USP32: variants seen among roughly 807,000 people sequenced by gnomAD.
USP32 encodes ubiquitin carboxyl-terminal hydrolase 32.
Under a neutral mutation model 204.8 loss-of-function variants are expected in USP32, and 59 were observed. That is an observed-to-expected ratio of 0.29 (90% CI 0.23 to 0.36). USP32 has a LOEUF of 0.36. Among genes scored for constraint, USP32 ranks in the 10% least tolerant of loss-of-function variants. USP32 has a pLI of 1.00. For synonymous variants in USP32, 517 were observed against 678.4 expected (o/e 0.76, Z 3.70); for missense variants, 1,160 against 1,946.4 (o/e 0.60, Z 7.60).
intron 2 of USP32, among the ~76,000 whole-genome samples, chr17:60,314,725 A>G (rs1254932931): frequency 1.3e-5 from 2 of 152,220 alleles, no homozygotes; most frequent in Non-Finnish European, 2.9e-5. Flanking sequence ...TAAACCTACC[A>G]ATCCAAAATG....
At chr17:60,236,846 C>T (rs958840944) in intron 11 of USP32, among the ~76,000 whole-genome samples, 2 of 152,176 alleles carry the variant, frequency 1.3e-5, no homozygotes, top group East Asian at 3.8e-4. Flanking sequence ...TGATAAAACA[C>T]ATGGCCTTTT....
At chr17:60,310,385 C>T (rs1030403580) in intron 2 of USP32, among the ~76,000 whole-genome samples, 1 of 152,154 alleles carries the variant, frequency 6.6e-6, no homozygotes, top group East Asian at 1.9e-4. Flanking sequence ...GTGGTATATA[C>T]ACACAATGGA....
intron 7 of USP32, among the ~76,000 whole-genome samples, chr17:60,268,582 CAA>C (rs57060420): frequency 7.3e-4 from 33 of 45,456 alleles, no homozygotes; most frequent in Admixed American, 1.7e-3. Flanking sequence ...GACCCTGTCT[CAA>C]AAAAAAAAAA....
intron 1 of USP32, among the ~76,000 whole-genome samples, chr17:60,407,295 G>C (rs1046849625): frequency 4.6e-5 from 7 of 152,106 alleles, no homozygotes; most frequent in Non-Finnish European, 8.8e-5. Context: ...GCCATAAGTA[G>C]AGCTAAGTTC....
chr17:60,311,761 G>A (rs1449164133), intron 2 of USP32, among the ~76,000 whole-genome samples: 8 of 152,114 alleles, frequency 5.3e-5, no homozygotes, highest in South Asian at 2.1e-4. Flanking sequence ...GGAGGCGCAC[G>A]TTGCAGTGAG....
intron 1 of USP32, among the ~76,000 whole-genome samples, chr17:60,399,426 G>A (rs1023763142): frequency 3.3e-5 from 5 of 152,062 alleles, no homozygotes; most frequent in African/African-American, 1.2e-4. Flanking sequence ...AGGCCAAGGC[G>A]GGAGGATTGC....
intron 2 of USP32, chr17:60,315,988 C>A (rs1598235680): frequency 5.9e-6 from 1 of 170,596 alleles, no homozygotes; most frequent in East Asian, 1.8e-4. Context: ...GACACTGAAC[C>A]TTATCACAAG....
At chr17:60,204,509 C>T (rs1330179797) in intron 26 of USP32, among the ~76,000 whole-genome samples, 1 of 150,040 alleles carries the variant, frequency 6.7e-6, no homozygotes, top group Admixed American at 6.7e-5. Context: ...CACTTTATCA[C>T]CCAGGCTGGA....
chr17:60,219,670 C>T lies in USP32; in HGVS notation c.1867G>A (p.Gly623Arg). Reference protein sequence around the residue: ...TQQSNIWVNMGNVPSPNAPLK... With the variant: ...TQQSNIWVNMRNVPSPNAPLK... ...GGAAACATTCTCAGGCTCATCATAC[C>T]CATATTCACCCAGATGTTAGACTGC... The change falls in exon 16 of 34, where the codon GGA becomes AGA. Residue 623 changes from glycine (G) to arginine (R), a missense_variant and splice_region_variant. By Grantham distance (125) the Gly-to-Arg change is moderately radical. Coordinates refer to ENST00000300896, the MANE Select transcript of USP32 (RefSeq NM_032582.4). 1.2e-6 allele frequency: 2 copies of T among 1,605,106 alleles called. No homozygotes were observed. Among genetic ancestry groups the T allele is most frequent in the Admixed American group, 1.7e-5 (1 of 59,408 alleles).
Position 60,181,347 on chromosome 17 carries a change from T to C in USP32, c.4525A>G (p.Ile1509Val), listed in dbSNP as rs1567745675. The change falls in exon 32 of 34, where the codon ATT (isoleucine) becomes GTT (valine). Residue 1509 changes from isoleucine to valine, a missense_variant. Physicochemically the swap from Ile to Val is conservative, Grantham distance 29. Around this residue, in one of 8 missense-constraint regions of USP32, gnomAD observed 244 missense variants for 342.3 expected, o/e 0.71. Coordinates refer to ENST00000300896, the MANE Select transcript of USP32 (RefSeq NM_032582.4). Reference protein sequence around the residue: ...DQREDTRIKPIYNLYAISCHS... With the variant: ...DQREDTRIKPVYNLYAISCHS... ...ACCGAAATTGCATATAGATTATAAA[T>C]AGGCTTAATACGAGTATCTTCTCTT... The C allele has an allele frequency of 6.2e-7, 1 of 1,612,360 alleles. No individual in the cohort carries two copies. Among genetic ancestry groups the C allele is most frequent in the Non-Finnish European group, 8.5e-7 (1 of 1,179,324 alleles).
At chr17:60,252,478 T>A in intron 10 of USP32, 36 bp from the exon 11 acceptor site, 1 of 1,517,712 alleles carries the variant, frequency 6.6e-7, no homozygotes, top group Non-Finnish European at 9.0e-7. Flanking sequence ...GTTTATTAAC[T>A]GCATAATATT....
chr17:60,204,525 G>A (rs2084774028), intron 26 of USP32, among the ~76,000 whole-genome samples: 1 of 143,012 alleles, frequency 7.0e-6, no homozygotes, highest in East Asian at 2.0e-4. Flanking sequence ...CTGGAGTGCT[G>A]TGGCGCAATC....
In USP32 at chr17:60,208,787, C is replaced by T; in HGVS notation, c.2640G>A (p.Val880=). Reference sequence around the variant, plus strand: ...ATCTTAGCTGCCCATGGAACAAATCCACAACAATTGATCTATTTCTTCTTA... The same window carrying T: ...ATCTTAGCTGCCCATGGAACAAATCTACAACAATTGATCTATTTCTTCTTA... ...NHLRRNRSIV[V]DLFHGQLRSQ... is the part of the protein sequence containing the mutation. The change falls in exon 23 of 34, where the codon GTG becomes GTA. Residue 880 remains valine, a synonymous_variant. Transcript: ENST00000300896. 1 of 1,605,536 alleles carries T rather than the reference C, an allele frequency of 6.2e-7. No individual in the cohort carries two copies. The highest frequency in any genetic ancestry group is 8.5e-7 in the Non-Finnish European group (1 of 1,176,582).
At position 60,323,326 on chromosome 17, in the gene USP32, G is replaced by T. The variant is rs534191064; in HGVS notation, c.187-21622C>A. On this transcript the variant is annotated intron_variant, in intron 2 of 33. Coordinates refer to ENST00000300896, the MANE Select transcript of USP32 (RefSeq NM_032582.4). ...TATTCAACAATAAAAAGGAATAAAG[G>T]ACTGATACATGTTTTCAAGATTCAT... Among the ~76,000 whole-genome samples, 4 of 152,142 alleles carry T rather than the reference G, an allele frequency of 2.6e-5. No homozygotes were observed. The East Asian group carries it at 7.7e-4, about 29-fold the overall frequency.
At chr17:60,258,513 G>A (rs1180926858) in intron 9 of USP32, 2 of 155,060 alleles carry the variant, frequency 1.3e-5, no homozygotes, top group African/African-American at 4.8e-5. Context: ...CCATTATGAT[G>A]GATTTAACAG....
intron 1 of USP32, among the ~76,000 whole-genome samples, chr17:60,352,824 A>C (rs1016576419): frequency 7.2e-5 from 11 of 152,218 alleles, no homozygotes; most frequent in African/African-American, 2.7e-4. Flanking sequence ...CTAAGGCATA[A>C]AGTAAAAAGG....
At chr17:60,194,104 G>A (rs1267426126) in intron 27 of USP32, among the ~76,000 whole-genome samples, 5 of 151,738 alleles carry the variant, frequency 3.3e-5, no homozygotes, top group African/African-American at 7.3e-5. Flanking sequence ...GTGCAGTGGC[G>A]CAATTATGGC....
intron 1 of USP32, among the ~76,000 whole-genome samples, chr17:60,363,961 T>G (rs1163658429): frequency 2.0e-5 from 3 of 152,080 alleles, no homozygotes; most frequent in African/African-American, 4.8e-5. Flanking sequence ...TCAGTGATGA[T>G]TCTCGTGCAC....
chr17:60,300,863 A>G lies in USP32; in HGVS notation c.292+736T>C, dbSNP rs554960721. Among the ~76,000 whole-genome samples the G allele has an allele frequency of 3.3e-5, 5 of 152,164 alleles. No homozygotes were observed. In the South Asian group the frequency reaches 1.0e-3, roughly 31 times the overall value. On this transcript the variant is annotated intron_variant, in intron 3 of 33. Transcript: ENST00000300896. ...GTTCTCCATTTCCCTCTCACCTGAT[A>G]CCTCCAGCAACCACTAATCTATCAT... is the stretch of plus-strand genomic sequence containing the variant.
Sources: allele counts gnomAD v4.1 joint callset (sites outside exome capture counted in the v4.1 genomes callset), GRCh38; gene constraint gnomAD v4.1.1; regional missense constraint gnomAD v4.1.1; transcripts MANE v1.5; gene names NCBI Gene and HGNC (gene_info 2026-07-23, HGNC 2026-07-21).